The following RASEF variants were observed in gnomAD, a reference collection of about 807,000 sequenced individuals.
The protein encoded by RASEF is ras and EF-hand domain-containing protein.
A neutral mutation model predicts 90.1 loss-of-function variants in RASEF; 68 were observed. The observed-to-expected ratio is 0.75, with a 90% CI of 0.62 to 0.92. The LOEUF (loss-of-function observed/expected upper bound fraction) is 0.92, where lower values mean the gene tolerates loss of function less well. Ranked by LOEUF, RASEF falls within the 40% of genes least tolerant of loss-of-function variation. RASEF has a pLI of 0.00. For synonymous variants in RASEF, 331 were observed against 345.2 expected (o/e 0.96, Z 0.46); for missense variants, 949 against 937.2 (o/e 1.01, Z -0.16).
chr9:83,058,310 G>A (rs1830139088), intron 1 of RASEF, among the ~76,000 whole-genome samples: 1 of 146,910 alleles, frequency 6.8e-6, no homozygotes, highest in African/African-American at 2.6e-5. Flanking sequence ...AGCCTCCCGA[G>A]TAGCTGGGAC....
At chr9:83,185,942 G>A in the RASEF span, among the ~76,000 whole-genome samples, 4 of 147,472 alleles carry the variant, frequency 2.7e-5, no homozygotes, top group South Asian at 2.3e-4. Context: ...GCACAGTCAC[G>A]TAGCCACATG....
At chr9:83,165,194 C>T in the RASEF span, among the ~76,000 whole-genome samples, 1 of 152,026 alleles carries the variant, frequency 6.6e-6, no homozygotes. Context: ...TTAACAACAG[C>T]AGAATACACA....
intron 5 of RASEF, among the ~76,000 whole-genome samples, chr9:83,010,274 A>G (rs1037859734): frequency 2.0e-5 from 3 of 152,214 alleles, no homozygotes; most frequent in Non-Finnish European, 4.4e-5. Context: ...ACATTCGTTC[A>G]AGATGGTGGA....
At chr9:83,038,821 A>C (rs1226234302) in intron 1 of RASEF, among the ~76,000 whole-genome samples, 1 of 152,192 alleles carries the variant, frequency 6.6e-6, no homozygotes, top group Admixed American at 6.5e-5. Flanking sequence ...TTTATTCTCA[A>C]ACAAGTCCTG....
chr9:83,022,525 G>A, intron 2 of RASEF, 99 bp from the exon 3 acceptor site: 1 of 827,332 alleles, frequency 1.2e-6, no homozygotes, highest in Non-Finnish European at 2.0e-6. Context: ...ATATATTACA[G>A]ATGAAGAGAA....
intron 1 of RASEF, among the ~76,000 whole-genome samples, chr9:83,055,958 T>C (rs1208381680): frequency 2.0e-5 from 3 of 152,158 alleles, no homozygotes; most frequent in Non-Finnish European, 4.4e-5. Flanking sequence ...TGTTAGAAAC[T>C]CCTGAGTATT....
the RASEF span, among the ~76,000 whole-genome samples, chr9:83,070,942 A>T: frequency 2.0e-5 from 3 of 152,188 alleles, no homozygotes; most frequent in Admixed American, 2.0e-4. Flanking sequence ...ATAAAAATTC[A>T]GTTGATTTTT....
the RASEF span, among the ~76,000 whole-genome samples, chr9:83,132,410 T>A: frequency 6.6e-6 from 1 of 152,048 alleles, no homozygotes; most frequent in African/African-American, 2.4e-5. Context: ...CCTCCTAATC[T>A]CCTAACTACA....
chr9:83,152,266 A>G, the RASEF span, among the ~76,000 whole-genome samples: 1 of 152,222 alleles, frequency 6.6e-6, no homozygotes, highest in African/African-American at 2.4e-5. Flanking sequence ...AACTATTCTG[A>G]GGTTGGTCCA....
At chr9:83,090,395 T>C in the RASEF span, among the ~76,000 whole-genome samples, 2 of 151,886 alleles carry the variant, frequency 1.3e-5, no homozygotes, top group South Asian at 2.1e-4. Flanking sequence ...CCCCTGTGTG[T>C]GTATGAGCCA....
chr9:83,211,281 T>C, the RASEF span, among the ~76,000 whole-genome samples: 7 of 152,214 alleles, frequency 4.6e-5, no homozygotes, highest in Non-Finnish European at 7.3e-5. Flanking sequence ...GGTTTTTTTT[T>C]CTTTTATATT....
At chr9:83,217,546 A>C in the RASEF span, among the ~76,000 whole-genome samples, 1 of 152,116 alleles carries the variant, frequency 6.6e-6, no homozygotes, top group Non-Finnish European at 1.5e-5. Context: ...GTAGTGAATA[A>C]GTTTCTCACT....
chr9:83,193,962 ATTC>A, the RASEF span, among the ~76,000 whole-genome samples: 1 of 152,136 alleles, frequency 6.6e-6, no homozygotes, highest in East Asian at 1.9e-4. Flanking sequence ...GAGCTTACTA[ATTC>A]TTCTCTTTTT....
At chr9:82,985,999 A>G (rs746592916) in intron 16 of RASEF, among the ~76,000 whole-genome samples, 11 of 152,180 alleles carry the variant, frequency 7.2e-5, no homozygotes, top group Non-Finnish European at 1.5e-4. Context: ...ATGGAATTTT[A>G]AAAAGACGTG....
chr9:83,083,630 C>T, the RASEF span, among the ~76,000 whole-genome samples: 1 of 151,966 alleles, frequency 6.6e-6, no homozygotes, highest in Non-Finnish European at 1.5e-5. Context: ...ATGTAAAATG[C>T]CATTAAGAAT....
rs114163197 is a variant in RASEF, at chr9:83,038,447, T to G, written c.432-12526A>C. 1.6e-3 allele frequency among the ~76,000 whole-genome samples: 240 copies of G among 152,220 alleles called. 2 individuals carry two copies. Among genetic ancestry groups the G allele is most frequent in the African/African-American group, 5.6e-3 (231 of 41,564 alleles). ...ATTTAATAGTCAAAAAATGAAACCA[T>G]AACTCTAAAGATTACAAGCAATATT... On this transcript the variant is annotated intron_variant, in intron 1 of 16. Coordinates refer to ENST00000376447, the MANE Select transcript of RASEF (RefSeq NM_152573.4).
chr9:83,141,411 A>G, the RASEF span, among the ~76,000 whole-genome samples: 2 of 152,198 alleles, frequency 1.3e-5, no homozygotes, highest in Non-Finnish European at 2.9e-5. Context: ...GACATCCTTG[A>G]GAAAAAAGAA....
intron 14 of RASEF, 47 bp from the exon 15 acceptor site, chr9:82,993,072 C>T (rs1173949478): frequency 6.3e-6 from 10 of 1,593,212 alleles, no homozygotes; most frequent in South Asian, 3.4e-5. Flanking sequence ...ACACTGGACA[C>T]ATTACGATGA....
the RASEF span, among the ~76,000 whole-genome samples, chr9:83,144,926 G>T: frequency 6.6e-6 from 1 of 152,096 alleles, no homozygotes; most frequent in African/African-American, 2.4e-5. Flanking sequence ...AGTGCAAATA[G>T]CCAAAACAAA....
Sources: gnomAD v4.1 joint callset for allele counts (sites outside exome capture counted in the v4.1 genomes callset) on GRCh38, gnomAD v4.1.1 for gene constraint, MANE v1.5 for transcripts, NCBI Gene and HGNC (gene_info 2026-07-23, HGNC 2026-07-21) for gene names.